Variants in PTPRN2 observed in about 807,000 individuals in gnomAD.
PTPRN2 encodes the protein protein tyrosine phosphatase receptor type N2.
A neutral mutation model predicts 118.8 loss-of-function variants in PTPRN2; 74 were observed. That is an observed-to-expected ratio of 0.62 (90% CI 0.52 to 0.76). The LOEUF (loss-of-function observed/expected upper bound fraction) is 0.76. PTPRN2 is among the 30% of genes least tolerant of loss of function. PTPRN2 has a pLI of 0.00. For missense variants in PTPRN2, 1,481 were observed against 1,394.4 expected (o/e 1.06, Z -0.99); for synonymous variants, 641 against 608.0 (o/e 1.05, Z -0.80).
rs543158599 is a variant in PTPRN2, at chr7:158,305,071, A to G, written c.277+11748T>C. Among the ~76,000 whole-genome samples, 4 of 152,178 alleles carry G rather than the reference A, an allele frequency of 2.6e-5. No homozygotes were observed. The East Asian group carries it at 7.7e-4, about 29-fold the overall frequency. The stretch of plus-strand genomic sequence containing the variant: ...TTGTCTGTCTTCACGCCTCTGTTCC[A>G]ATGTTAACGCTGGTCAGCTGTGCCT... On this transcript the variant is annotated intron_variant, in intron 3 of 22. Transcript: ENST00000389418.
chr7:157,643,901 C>G (rs1016528455), intron 14 of PTPRN2, among the ~76,000 whole-genome samples: 8 of 152,238 alleles, frequency 5.3e-5, no homozygotes, highest in Non-Finnish European at 1.0e-4. Context: ...GGCCCAGACA[C>G]CGGCCAGCCT....
chr7:157,740,939 C>T (rs192325862), intron 12 of PTPRN2, among the ~76,000 whole-genome samples: 1 of 152,204 alleles, frequency 6.6e-6, no homozygotes, highest in Non-Finnish European at 1.5e-5. Flanking sequence ...AACCCATGGG[C>T]CACTTTGTTC....
At chr7:158,530,830 T>G (rs1482668667) in intron 1 of PTPRN2, among the ~76,000 whole-genome samples, 2 of 152,038 alleles carry the variant, frequency 1.3e-5, no homozygotes, top group South Asian at 4.2e-4. Context: ...AGGCAAGAGG[T>G]GTCGGGCCAT....
intron 12 of PTPRN2, among the ~76,000 whole-genome samples, chr7:157,750,198 A>G (rs1392892258): frequency 6.6e-6 from 1 of 152,122 alleles, no homozygotes; most frequent in Admixed American, 6.5e-5. Context: ...AATTTTTATT[A>G]TATCATCTTT....
chr7:157,890,011 G>T (rs2151303975), intron 12 of PTPRN2, among the ~76,000 whole-genome samples: 1 of 151,690 alleles, frequency 6.6e-6, no homozygotes. Context: ...TGAAATCACA[G>T]AATTTGATTT....
chr7:158,378,249 G>A (rs1810701414), intron 2 of PTPRN2, among the ~76,000 whole-genome samples: 1 of 152,166 alleles, frequency 6.6e-6, no homozygotes, highest in African/African-American at 2.4e-5. Context: ...CATAATGGTT[G>A]GAGGCTGTCC....
chr7:158,079,386 C>A (rs1812622667), intron 11 of PTPRN2, among the ~76,000 whole-genome samples: 1 of 152,152 alleles, frequency 6.6e-6, no homozygotes, highest in Non-Finnish European at 1.5e-5. Flanking sequence ...CCCCTTGGTG[C>A]AGCACTTCGA....
In PTPRN2 at chr7:158,146,642, A is replaced by G. The variant is rs577320275; in HGVS notation, c.911-8127T>C. Among the ~76,000 whole-genome samples the G allele has an allele frequency of 1.1e-3, 170 of 148,742 alleles. 1 individual carries two copies. The highest frequency in any genetic ancestry group is 4.1e-3 in the African/African-American group (165 of 39,772). On this transcript the variant is annotated intron_variant, in intron 6 of 22. Coordinates refer to ENST00000389418, the MANE Select transcript of PTPRN2 (RefSeq NM_002847.5). ...AGCCTGAGGCAGAAGAATGGTGTGAACCCAGGAGGCGGAGCTAGTAGTGAG... is the reference window on the plus strand; with the variant it reads ...AGCCTGAGGCAGAAGAATGGTGTGAGCCCAGGAGGCGGAGCTAGTAGTGAG...
chr7:158,523,724 C>CG (rs1358090774), intron 1 of PTPRN2, among the ~76,000 whole-genome samples: 9 of 137,858 alleles, frequency 6.5e-5, no homozygotes, highest in Non-Finnish European at 1.1e-4. Flanking sequence ...GGAGTGGAGT[C>CG]TGCCCTGGAG....
intron 12 of PTPRN2, among the ~76,000 whole-genome samples, chr7:157,735,663 C>G (rs1224605809): frequency 1.3e-5 from 2 of 152,348 alleles, no homozygotes; most frequent in African/African-American, 2.4e-5. Context: ...CATTAAATGA[C>G]AGAACATGAC....
At chr7:158,371,955 G>A (rs1014802469) in intron 2 of PTPRN2, among the ~76,000 whole-genome samples, 5 of 152,228 alleles carry the variant, frequency 3.3e-5, no homozygotes, top group East Asian at 1.9e-4. Context: ...CTCAGCGTCC[G>A]TCGTGGCCCC....
At chr7:158,493,261 G>T (rs1035919109) in intron 1 of PTPRN2, among the ~76,000 whole-genome samples, 1 of 152,140 alleles carries the variant, frequency 6.6e-6, no homozygotes, top group African/African-American at 2.4e-5. Context: ...CCACAAGCAT[G>T]TGCACACATA....
intron 11 of PTPRN2, chr7:158,030,149 T>G (rs569640448): frequency 6.6e-6 from 1 of 152,204 alleles, no homozygotes; most frequent in Non-Finnish European, 1.5e-5. Flanking sequence ...TGTGACCAGG[T>G]CAGAGTGCAG....
intron 12 of PTPRN2, among the ~76,000 whole-genome samples, chr7:157,786,674 A>G (rs976149368): frequency 5.3e-5 from 8 of 152,280 alleles, no homozygotes; most frequent in African/African-American, 1.9e-4. Context: ...ACCAGGCCAC[A>G]TCCGTGCAGA....
chr7:158,266,723 G>C (rs1273377452), intron 3 of PTPRN2, among the ~76,000 whole-genome samples: 1 of 152,232 alleles, frequency 6.6e-6, no homozygotes, highest in African/African-American at 2.4e-5. Flanking sequence ...CCTGGGCAGA[G>C]AGATGAGAGT....
At position 157,691,604 on chromosome 7, in the gene PTPRN2, GGCCGCCA is replaced by G. The variant is rs368763718; in HGVS notation, c.1789-8674_1789-8668del. ...CCACCATTTGGTCCAGGCCAATGTC[GGCCGCCA>G]GCCCAAAACGCCGAAGGGAGACGGC... On this transcript the variant is annotated intron_variant, in intron 12 of 22. Transcript: ENST00000389418. 1.5e-4 allele frequency among the ~76,000 whole-genome samples: 23 copies of G among 152,292 alleles called. No individual in the cohort carries two copies. The East Asian group carries it at 3.9e-3, about 26-fold the overall frequency.
intron 1 of PTPRN2, among the ~76,000 whole-genome samples, chr7:158,542,849 C>T (rs1466133209): frequency 6.6e-6 from 1 of 151,712 alleles, no homozygotes; most frequent in Non-Finnish European, 1.5e-5. Flanking sequence ...CCAAAGCCCA[C>T]TGTCTACGGA....
chr7:158,247,333 G>A (rs569740845), intron 3 of PTPRN2, among the ~76,000 whole-genome samples: 20 of 152,214 alleles, frequency 1.3e-4, no homozygotes, highest in Admixed American at 4.6e-4. Context: ...GGAGAAGGCC[G>A]TGATGGGAGG....
intron 4 of PTPRN2, among the ~76,000 whole-genome samples, chr7:158,194,479 G>A (rs1242041619): frequency 6.6e-6 from 1 of 152,196 alleles, no homozygotes; most frequent in Non-Finnish European, 1.5e-5. Context: ...TTCCCGCTGA[G>A]AGCCATGCTC....
Sources: allele counts gnomAD v4.1 joint callset (sites outside exome capture counted in the v4.1 genomes callset), GRCh38; gene constraint gnomAD v4.1.1; transcripts MANE v1.5; gene names NCBI Gene and HGNC (gene_info 2026-07-23, HGNC 2026-07-21).